The following FAM184A variants were observed in gnomAD, a reference collection of about 807,000 sequenced individuals.
The protein encoded by FAM184A is family with sequence similarity 184 member A.
FAM184A carries 99 observed loss-of-function variants against 143.8 expected under a neutral mutation model. The ratio of observed to expected loss-of-function variants is 0.69; its 90% confidence interval spans 0.58 to 0.81. FAM184A has a LOEUF of 0.81. Among genes scored for constraint, FAM184A ranks in the 40% least tolerant of loss-of-function variants. The pLI is 0.00. For synonymous variants in FAM184A, 427 were observed against 446.4 expected, an observed-to-expected ratio of 0.96 and a Z score of 0.55; for missense variants, 1,217 against 1,310.5, an observed-to-expected ratio of 0.93 and a Z score of 1.10.
At chr6:119,022,053 CTTTTTTTTTT>C (rs34128659) in intron 3 of FAM184A, among the ~76,000 whole-genome samples, 2 of 84,392 alleles carry the variant, frequency 2.4e-5, no homozygotes, top group Non-Finnish European at 4.3e-5. Context: ...TTCGTTCTTT[CTTTTTTTTTT>C]TTTTTTTTTT....
chr6:119,114,700 C>G (rs1357377865), intron 1 of FAM184A, among the ~76,000 whole-genome samples: 1 of 152,056 alleles, frequency 6.6e-6, no homozygotes, highest in Admixed American at 6.6e-5. Flanking sequence ...TGCCACCATG[C>G]CTGGCTAATT....
At chr6:119,043,972 AC>A (rs1211009938) in intron 1 of FAM184A, among the ~76,000 whole-genome samples, 2 of 152,224 alleles carry the variant, frequency 1.3e-5, no homozygotes, top group East Asian at 3.8e-4. Context: ...AGTAAATGAA[AC>A]CCAAAACAGA....
rs559840808 is a variant in FAM184A at position 118,962,143 on chromosome 6, C to G, written c.3139-180G>C. The G allele has an allele frequency of 1.2e-5, 7 of 607,472 alleles. No homozygotes were observed. In the South Asian group the frequency reaches 1.2e-4, roughly 10 times the overall value. The allele number at this position is 607,472 out of a possible 1,614,324, so 37.6% of individuals were successfully genotyped here. On this transcript the variant is annotated intron_variant, in intron 16 of 17. Transcript: ENST00000338891. ...GGGAATCCTTGGAGGTATTTTTTATCTACATGGAATCCTCAAAGACAGACA... is the reference window on the plus strand; with the variant it reads ...GGGAATCCTTGGAGGTATTTTTTATGTACATGGAATCCTCAAAGACAGACA...
chr6:118,984,158 A>AAT (rs34576101), intron 9 of FAM184A, among the ~76,000 whole-genome samples: 6,879 of 126,800 alleles, frequency 0.054, 250 homozygotes, highest in African/African-American at 0.095. Context: ...TTAAAAAAAA[A>AAT]ATATATATAT....
intron 1 of FAM184A, among the ~76,000 whole-genome samples, chr6:119,093,242 A>G (rs1003276705): frequency 2.6e-5 from 4 of 152,100 alleles, no homozygotes; most frequent in Non-Finnish European, 5.9e-5. Context: ...TAAAAATCTC[A>G]TTCTCTTATG....
At chr6:119,018,664 C>A (rs1785345966) in intron 4 of FAM184A, among the ~76,000 whole-genome samples, 1 of 152,158 alleles carries the variant, frequency 6.6e-6, no homozygotes, top group South Asian at 2.1e-4. Flanking sequence ...ATCTTGGAAG[C>A]AGGCTGGTGA....
At chr6:119,088,914 G>A (rs1393027010) in intron 1 of FAM184A, among the ~76,000 whole-genome samples, 1 of 152,124 alleles carries the variant, frequency 6.6e-6, no homozygotes, top group East Asian at 1.9e-4. Flanking sequence ...AAGAGAATCA[G>A]AATCTTGGTT....
intron 1 of FAM184A, among the ~76,000 whole-genome samples, chr6:119,076,984 G>C (rs1787896011): frequency 6.6e-6 from 1 of 152,208 alleles, no homozygotes. Flanking sequence ...TTATGTACCT[G>C]TAACTTTTCT....
At chr6:119,067,106 T>C (rs1787478818) in intron 1 of FAM184A, among the ~76,000 whole-genome samples, 1 of 152,230 alleles carries the variant, frequency 6.6e-6, no homozygotes, top group Non-Finnish European at 1.5e-5. Context: ...TGTAGGGCAA[T>C]GTGATAGATT....
Position 118,984,156 on chromosome 6 carries a change from AAAAT to A in FAM184A, c.2089-3810_2089-3807del, listed in dbSNP as rs1307312998. ...TGATAACGAAACTCCATTTAAAAAA[AAAAT>A]ATATATATATATATATATTTATATA... On this transcript the variant is annotated intron_variant, in intron 9 of 17. Coordinates refer to ENST00000338891, the MANE Select transcript of FAM184A (RefSeq NM_024581.6). Among the ~76,000 whole-genome samples the A allele has an allele frequency of 6.0e-4, 73 of 120,834 alleles. 1 individual carries two copies. The highest frequency in any genetic ancestry group is 2.0e-3 in the African/African-American group (58 of 28,924). The allele number at this position is 120,834 out of a possible 152,430, so 79.3% of individuals were successfully genotyped here. A position where few individuals can be genotyped will look rare whatever the true frequency, so the allele number is the denominator to read the frequency against.
At chr6:119,105,019 C>T (rs969453023) in intron 1 of FAM184A, among the ~76,000 whole-genome samples, 6 of 152,012 alleles carry the variant, frequency 3.9e-5, no homozygotes, top group Non-Finnish European at 8.8e-5. Flanking sequence ...CAGTACTACT[C>T]AAAACTGTTG....
intron 9 of FAM184A, among the ~76,000 whole-genome samples, chr6:119,001,895 G>T (rs76346518): frequency 0.036 from 5,486 of 152,200 alleles, 174 homozygotes; most frequent in Non-Finnish European, 0.048. Context: ...CATAAGCAAT[G>T]CTAATGTGGT....
chr6:119,048,246 A>G (rs1194987030), intron 1 of FAM184A, among the ~76,000 whole-genome samples: 1 of 152,212 alleles, frequency 6.6e-6, no homozygotes, highest in Non-Finnish European at 1.5e-5. Context: ...AATAATAACC[A>G]TCTATGACAA....
chr6:119,041,894 G>A (rs1253193213), intron 1 of FAM184A, among the ~76,000 whole-genome samples: 3 of 152,134 alleles, frequency 2.0e-5, no homozygotes, highest in African/African-American at 4.8e-5. Context: ...TCTAATAGAG[G>A]TATAACACTC....
At chr6:119,016,569 T>A (rs1785262669) in intron 5 of FAM184A, among the ~76,000 whole-genome samples, 178 bp downstream of exon 5, 1 of 150,770 alleles carries the variant, frequency 6.6e-6, no homozygotes, top group Non-Finnish European at 1.5e-5. Context: ...TCCGAACACA[T>A]CTGAACATCA....
At chr6:119,136,866 A>G (rs561048843) in intron 1 of FAM184A, among the ~76,000 whole-genome samples, 1 of 152,360 alleles carries the variant, frequency 6.6e-6, no homozygotes, top group South Asian at 2.1e-4. Flanking sequence ...AAGAGGGTTG[A>G]CATGGTGCTG....
intron 1 of FAM184A, among the ~76,000 whole-genome samples, chr6:119,125,061 C>T (rs544158371): frequency 2.0e-5 from 3 of 152,256 alleles, no homozygotes; most frequent in African/African-American, 7.2e-5. Flanking sequence ...ATTTACAAAT[C>T]ATTCTTTATA....
chr6:119,037,187 T>C (rs1239104486), intron 1 of FAM184A, among the ~76,000 whole-genome samples: 2 of 152,240 alleles, frequency 1.3e-5, no homozygotes, highest in Non-Finnish European at 2.9e-5. Flanking sequence ...ACAATGGTAC[T>C]AGGCAATGGT....
intron 1 of FAM184A, among the ~76,000 whole-genome samples, chr6:119,124,922 G>A (rs1294560585): frequency 2.0e-5 from 3 of 152,136 alleles, no homozygotes; most frequent in Non-Finnish European, 4.4e-5. Flanking sequence ...AAATGCATAT[G>A]TGCTTACTTG....
Sources: gnomAD v4.1 joint callset for allele counts (sites outside exome capture counted in the v4.1 genomes callset) on GRCh38, gnomAD v4.1.1 for gene constraint, MANE v1.5 for transcripts, NCBI Gene and HGNC (gene_info 2026-07-23, HGNC 2026-07-21) for gene names.